Variants in POC5 observed in about 807,000 individuals in gnomAD.
POC5 encodes the protein POC5 centriolar protein.
A neutral mutation model predicts 62.9 loss-of-function variants in POC5; 48 were observed. That is an observed-to-expected ratio of 0.76 (90% CI 0.61 to 0.97). The LOEUF (loss-of-function observed/expected upper bound fraction) is 0.97. Among genes scored for constraint, POC5 ranks in the 50% least tolerant of loss-of-function variants. The pLI is 0.00. For missense variants in POC5, 696 were observed against 679.5 expected (o/e 1.02, Z -0.27); for synonymous variants, 236 against 228.2 (o/e 1.03, Z -0.31).
rs746808131 is a variant in POC5, at chr5:75,712,727, A to G, written c.84+127T>C. 12 of 787,398 alleles carry G rather than the reference A, an allele frequency of 1.5e-5. 1 individual carries two copies. In the South Asian group the frequency reaches 2.1e-4, roughly 14 times the overall value. The allele number at this position is 787,398 out of a possible 1,614,324, so 48.8% of individuals were successfully genotyped here. A position where few individuals can be genotyped will look rare whatever the true frequency, so the allele number is the denominator to read the frequency against. On this transcript the variant is annotated intron_variant, in intron 2 of 11. Coordinates refer to ENST00000428202, the MANE Select transcript of POC5 (RefSeq NM_001099271.2). Reference sequence around the variant, plus strand: ...TGTGTACAGTAATTCCTGAAGTTTGATATTATTATAAATTGAAAAACTCCC... The same window carrying G: ...TGTGTACAGTAATTCCTGAAGTTTGGTATTATTATAAATTGAAAAACTCCC...
chr5:75,690,252 G>A, intron 8 of POC5, 131 bp downstream of exon 8: 1 of 834,520 alleles, frequency 1.2e-6, no homozygotes, highest in Non-Finnish European at 1.8e-6. Flanking sequence ...ATTAACACAA[G>A]AATAAACGTT....
Position 75,692,467 on chromosome 5 carries a change from G to A in POC5, c.724C>T (p.Gln242Ter), listed in dbSNP as rs764232637. 1 of 1,603,674 alleles carries A rather than the reference G, an allele frequency of 6.2e-7. No homozygotes were observed. The highest frequency in any genetic ancestry group is 1.7e-5 in the Admixed American group (1 of 58,782). ...CTCATCAACTCTATCTTTTCCTTTT[G>A]CTTGCCTATGGCATGAGACAAGCTA... ...ISSLSHAIGK[Q>*]KEKIELMRTF... Residue 242 changes from glutamine (Q) to a stop codon, truncating the protein, a stop_gained, in exon 7 of 12, where the codon CAA (glutamine) becomes TAA (stop). Coordinates refer to ENST00000428202, the MANE Select transcript of POC5 (RefSeq NM_001099271.2). LOFTEE classifies it high-confidence loss of function.
chr5:75,710,948 A>G (rs1051230395), intron 2 of POC5, among the ~76,000 whole-genome samples: 8 of 152,206 alleles, frequency 5.3e-5, no homozygotes, highest in Non-Finnish European at 1.2e-4. Context: ...AGGAAAAAAA[A>G]GATCCAAACA....
intron 4 of POC5, among the ~76,000 whole-genome samples, chr5:75,704,153 CAA>C (rs373819320): frequency 0.26 from 22,809 of 89,334 alleles, 1,788 homozygotes; most frequent in South Asian, 0.32. Context: ...GACTCTGTCT[CAA>C]AAAAAAAAAA....
chr5:75,710,526 A>C (rs1039736006), intron 2 of POC5, among the ~76,000 whole-genome samples: 1 of 152,146 alleles, frequency 6.6e-6, no homozygotes, highest in Non-Finnish European at 1.5e-5. Flanking sequence ...CTCTCCTCCC[A>C]CCTGCACATA....
chr5:75,692,634 ATTATC>A (rs1213440912), intron 6 of POC5, 134 bp from the exon 7 acceptor site: 1 of 440,386 alleles, frequency 2.3e-6, no homozygotes, highest in Non-Finnish European at 3.9e-6. Flanking sequence ...TAACCTCATT[ATTATC>A]TTTAAAAAGA....
At chr5:75,699,712 G>A (rs375424519) in intron 5 of POC5, among the ~76,000 whole-genome samples, 16,609 of 135,460 alleles carry the variant, frequency 0.12, 1,275 homozygotes, top group Non-Finnish European at 0.16. Context: ...TGGAAGTTCT[G>A]GCCAGGGCAA....
At chr5:75,692,660 T>G (rs1776392815) in intron 6 of POC5, among the ~76,000 whole-genome samples, 160 bp from the exon 7 acceptor site, 1 of 152,146 alleles carries the variant, frequency 6.6e-6, no homozygotes, top group Non-Finnish European at 1.5e-5. Context: ...TGGTAAAACT[T>G]TCTCACATGA....
rs184208690 is a variant in POC5, at chr5:75,692,667, A to T, written c.691-167T>A. 8.5e-5 allele frequency among the ~76,000 whole-genome samples: 13 copies of T among 152,308 alleles called. No homozygotes were observed. In the East Asian group the frequency reaches 2.3e-3, roughly 27 times the overall value. ...TAAAAAGATGGTAAAACTTTCTCAC[A>T]TGAATATACTAGATATCAACTAATG... On this transcript the variant is annotated intron_variant, in intron 6 of 11. Coordinates refer to ENST00000428202, the MANE Select transcript of POC5 (RefSeq NM_001099271.2).
chr5:75,704,701 T>C (rs1476344778), intron 4 of POC5, among the ~76,000 whole-genome samples: 1 of 152,220 alleles, frequency 6.6e-6, no homozygotes, highest in Non-Finnish European at 1.5e-5. Flanking sequence ...CTTCAGAACT[T>C]GTAAGGGCTG....
intron 2 of POC5, among the ~76,000 whole-genome samples, chr5:75,708,295 C>G (rs1777206270): frequency 6.6e-6 from 1 of 152,136 alleles, no homozygotes; most frequent in Admixed American, 6.5e-5. Context: ...TGCAGTAAGA[C>G]AAGATGGCAC....
intron 1 of POC5, among the ~76,000 whole-genome samples, chr5:75,713,246 CT>C (rs1777423249): frequency 6.6e-6 from 1 of 151,550 alleles, no homozygotes; most frequent in Non-Finnish European, 1.5e-5. Context: ...GTGTGACAAC[CT>C]GGGTGCTGTG....
At position 75,689,689 on chromosome 5, in the gene POC5, A is replaced by G. The variant is rs77751490; in HGVS notation, c.976-524T>C. The G allele has an allele frequency of 2.1e-3, 2,082 of 983,564 alleles. 36 individuals are homozygous for G. The African/African-American group carries it at 0.034, about 16-fold the overall frequency. The allele number at this position is 983,564 out of a possible 1,614,324, so 60.9% of individuals were successfully genotyped here. A position where few individuals can be genotyped will look rare whatever the true frequency, so the allele number is the denominator to read the frequency against. ...TGCATGTCGTAGTGAACTGCAGAAA[A>G]TTATTTGTATTATGGATTTATTTTT... is the stretch of plus-strand genomic sequence containing the variant. On this transcript the variant is annotated intron_variant, in intron 8 of 11. Coordinates refer to ENST00000428202, the MANE Select transcript of POC5 (RefSeq NM_001099271.2).
chr5:75,712,510 G>A (rs1310499935), intron 2 of POC5: 1 of 1,444,040 alleles, frequency 6.9e-7, no homozygotes, highest in East Asian at 2.3e-5. Context: ...GTTTGATATT[G>A]TATTAATTTG....
At chr5:75,685,894 A>G (rs1561464631) in intron 9 of POC5, among the ~76,000 whole-genome samples, 1 of 152,188 alleles carries the variant, frequency 6.6e-6, no homozygotes, top group Non-Finnish European at 1.5e-5. Context: ...AATGACCTGC[A>G]ATCAATCTTT....
chr5:75,712,555 C>T, intron 2 of POC5: 1 of 1,131,030 alleles, frequency 8.8e-7, no homozygotes, highest in Non-Finnish European at 1.3e-6. Context: ...TGAGAGGTAG[C>T]TAAAATGAAA....
At chr5:75,685,720 T>C (rs958755164) in intron 9 of POC5, among the ~76,000 whole-genome samples, 31 of 152,352 alleles carry the variant, frequency 2.0e-4, no homozygotes, top group African/African-American at 7.2e-4. Flanking sequence ...TAATGGATCA[T>C]TTGTTCTTAA....
intron 2 of POC5, among the ~76,000 whole-genome samples, chr5:75,711,544 T>G (rs1187319727): frequency 6.6e-6 from 1 of 152,258 alleles, no homozygotes; most frequent in African/African-American, 2.4e-5. Flanking sequence ...TTTACATATT[T>G]ACTACATATG....
chr5:75,712,274 A>T, intron 2 of POC5: 1 of 1,329,328 alleles, frequency 7.5e-7, no homozygotes, highest in Non-Finnish European at 1.1e-6. Context: ...TTTAAAATCT[A>T]CTCCAGAAAT....
Sources: allele counts gnomAD v4.1 joint callset (sites outside exome capture counted in the v4.1 genomes callset), GRCh38; gene constraint gnomAD v4.1.1; transcripts MANE v1.5; gene names NCBI Gene and HGNC (gene_info 2026-07-23, HGNC 2026-07-21).